Variants in HTR2A observed in about 807,000 individuals in gnomAD.
HTR2A encodes the protein 5-hydroxytryptamine receptor 2A.
A neutral mutation model predicts 31.0 loss-of-function variants in HTR2A; 14 were observed. The observed-to-expected ratio is 0.45, with a 90% confidence interval of 0.30 to 0.71. The LOEUF (loss-of-function observed/expected upper bound fraction) is 0.71, where lower values mean the gene tolerates loss of function less well. HTR2A is among the 30% of genes least tolerant of loss of function. The pLI is 0.09. For synonymous variants in HTR2A, 209 were observed against 225.2 expected, an observed-to-expected ratio of 0.93 and a Z score of 0.64; for missense variants, 442 against 573.3, an observed-to-expected ratio of 0.77 and a Z score of 2.34.
chr13:46,845,694 A>T (rs936648352), intron 3 of HTR2A, among the ~76,000 whole-genome samples: 3 of 151,840 alleles, frequency 2.0e-5, no homozygotes, highest in Non-Finnish European at 4.4e-5. Context: ...GGATACAGAG[A>T]TATAAGCAGA....
intron 3 of HTR2A, 104 bp from the exon 4 acceptor site, chr13:46,835,743 G>T: frequency 1.2e-6 from 1 of 816,992 alleles, no homozygotes; most frequent in Non-Finnish European, 1.9e-6. Context: ...TTATATCATC[G>T]TTTAAAAGCT....
At chr13:46,893,759 T>TGTA (rs1951074863) in intron 2 of HTR2A, among the ~76,000 whole-genome samples, 1 of 152,158 alleles carries the variant, frequency 6.6e-6, no homozygotes, top group Non-Finnish European at 1.5e-5. Context: ...TTAGTTTTGA[T>TGTA]CACAGTATAA....
At chr13:46,866,775 C>A (rs1950821525) in intron 3 of HTR2A, among the ~76,000 whole-genome samples, 1 of 152,102 alleles carries the variant, frequency 6.6e-6, no homozygotes, top group Non-Finnish European at 1.5e-5. Context: ...GCCAGTAATC[C>A]CAGAACTTTG....
At chr13:46,897,521 A>G (rs1951113726), upstream of HTR2A, among the ~76,000 whole-genome samples, 8 of 152,180 alleles carry the variant, frequency 5.3e-5, no homozygotes, top group Admixed American at 5.2e-4. Flanking sequence ...GAAATATGCC[A>G]CCCAGATATT....
intron 3 of HTR2A, among the ~76,000 whole-genome samples, chr13:46,879,990 G>A (rs1410036837): frequency 7.0e-6 from 1 of 143,582 alleles, no homozygotes; most frequent in Non-Finnish European, 1.5e-5. Context: ...AGGTGACAGA[G>A]TGAGACCCTG....
intron 3 of HTR2A, among the ~76,000 whole-genome samples, chr13:46,876,585 T>A (rs1442685145): frequency 6.6e-6 from 1 of 151,554 alleles, no homozygotes; most frequent in Non-Finnish European, 1.5e-5. Flanking sequence ...AATTTTCTTT[T>A]TTTTTTATTT....
At chr13:46,853,153 A>T (rs968692486) in intron 3 of HTR2A, among the ~76,000 whole-genome samples, 2 of 152,170 alleles carry the variant, frequency 1.3e-5, no homozygotes, top group African/African-American at 4.8e-5. Context: ...TTCAGGGGAT[A>T]TAAGATGCCG....
At chr13:46,874,498 A>G (rs1329483531) in intron 3 of HTR2A, among the ~76,000 whole-genome samples, 2 of 152,080 alleles carry the variant, frequency 1.3e-5, no homozygotes, top group Admixed American at 6.5e-5. Context: ...GTTCCTATTT[A>G]TGGTTAAATA....
chr13:46,855,287 T>C (rs1259350411), intron 3 of HTR2A, among the ~76,000 whole-genome samples: 3 of 152,288 alleles, frequency 2.0e-5, no homozygotes, highest in African/African-American at 7.2e-5. Flanking sequence ...AGTGATACTA[T>C]AGATTGCTCA....
chr13:46,861,576 A>C (rs1950778757), intron 3 of HTR2A, among the ~76,000 whole-genome samples: 1 of 152,196 alleles, frequency 6.6e-6, no homozygotes, highest in Admixed American at 6.5e-5. Flanking sequence ...GTCTGTTTGG[A>C]TCTATCAAGC....
At chr13:46,890,825 C>A (rs1370088302) in intron 3 of HTR2A, among the ~76,000 whole-genome samples, 1 of 152,118 alleles carries the variant, frequency 6.6e-6, no homozygotes, top group African/African-American at 2.4e-5. Flanking sequence ...GCTGACCACC[C>A]TGAAAACCTG....
At chr13:46,887,956 T>C (rs375681821) in intron 3 of HTR2A, among the ~76,000 whole-genome samples, 2 of 152,140 alleles carry the variant, frequency 1.3e-5, no homozygotes. Context: ...GAATAACTAA[T>C]GGATGCTGGG....
intron 3 of HTR2A, among the ~76,000 whole-genome samples, chr13:46,855,607 A>T (rs888145296): frequency 6.6e-6 from 1 of 151,920 alleles, no homozygotes; most frequent in Non-Finnish European, 1.5e-5. Context: ...TGTAAACTGG[A>T]GACAGAACCC....
chr13:46,887,148 A>G (rs1471972393), intron 3 of HTR2A, among the ~76,000 whole-genome samples: 2 of 152,138 alleles, frequency 1.3e-5, no homozygotes, highest in Non-Finnish European at 2.9e-5. Context: ...GGCCAGGCGC[A>G]GTGGCTCATG....
At chr13:46,850,025 A>G (rs888204022) in intron 3 of HTR2A, among the ~76,000 whole-genome samples, 2 of 152,340 alleles carry the variant, frequency 1.3e-5, no homozygotes, top group South Asian at 4.1e-4. Context: ...AGACTTCCTT[A>G]TTACCTTAGT....
chr13:46,882,099 A>G (rs1950969961), intron 3 of HTR2A, among the ~76,000 whole-genome samples: 1 of 152,190 alleles, frequency 6.6e-6, no homozygotes, highest in African/African-American at 2.4e-5. Flanking sequence ...AAAAAGTGCA[A>G]AAAGTATGCC....
upstream of HTR2A, chr13:46,897,062 CG>C: frequency 2.0e-6 from 1 of 508,180 alleles, no homozygotes; most frequent in Non-Finnish European, 3.4e-6. Flanking sequence ...CTGACTGTCT[CG>C]TTCATTTCAT....
chr13:46,878,150 G>A (rs1950929683), intron 3 of HTR2A, among the ~76,000 whole-genome samples: 1 of 152,206 alleles, frequency 6.6e-6, no homozygotes, highest in African/African-American at 2.4e-5. Flanking sequence ...GCAAGGTAGA[G>A]AATGAGAGCA....
intron 3 of HTR2A, among the ~76,000 whole-genome samples, chr13:46,844,255 A>G (rs1360474011): frequency 6.6e-6 from 1 of 152,190 alleles, no homozygotes; most frequent in African/African-American, 2.4e-5. Flanking sequence ...TGTGGGATTG[A>G]TGGGTAAACA....
Sources: gnomAD v4.1 joint callset for allele counts (sites outside exome capture counted in the v4.1 genomes callset) on GRCh38, gnomAD v4.1.1 for gene constraint, MANE v1.5 for transcripts, NCBI Gene and HGNC (gene_info 2026-07-23, HGNC 2026-07-21) for gene names.